The following CNTNAP2 variants were observed in gnomAD, a reference collection of about 807,000 sequenced individuals.
The protein encoded by CNTNAP2 is contactin-associated protein-like 2.
Under a neutral mutation model 155.2 loss-of-function variants are expected in CNTNAP2, and 98 were observed. That is an observed-to-expected ratio of 0.63 (90% confidence interval 0.54 to 0.75). The LOEUF (loss-of-function observed/expected upper bound fraction) is 0.75, where lower values mean the gene tolerates loss of function less well. CNTNAP2 is among the 30% of genes least tolerant of loss of function. The probability of loss-of-function intolerance (pLI) is 0.00; values close to 1 mark genes in which losing one functional copy is unlikely to be tolerated. For synonymous variants in CNTNAP2, 651 were observed against 631.2 expected (o/e 1.03, Z -0.47); for missense variants, 1,727 against 1,688.1 (o/e 1.02, Z -0.40).
chr7:148,167,844 C>G (rs572941802), intron 17 of CNTNAP2, among the ~76,000 whole-genome samples: 54 of 152,258 alleles, frequency 3.5e-4, no homozygotes, highest in African/African-American at 1.2e-3. Context: ...AGTCCAAAGA[C>G]CCAAGAATCA....
At chr7:147,638,970 A>G (rs1389279147) in intron 12 of CNTNAP2, 136 bp from the exon 13 acceptor site, 3 of 874,628 alleles carry the variant, frequency 3.4e-6, no homozygotes, top group Non-Finnish European at 5.9e-6. Context: ...GGGGGTTTTA[A>G]GGATTGCTCT....
At chr7:147,198,955 CTTT>C (rs531893928) in intron 8 of CNTNAP2, among the ~76,000 whole-genome samples, 4 of 99,310 alleles carry the variant, frequency 4.0e-5, no homozygotes, top group Admixed American at 1.1e-4. Context: ...AATCAAAGGA[CTTT>C]TTTTTTTTTT....
At chr7:147,184,348 T>A (rs1257886339) in intron 8 of CNTNAP2, among the ~76,000 whole-genome samples, 1 of 152,204 alleles carries the variant, frequency 6.6e-6, no homozygotes, top group Non-Finnish European at 1.5e-5. Context: ...TTGGATTTTC[T>A]CTTGCTTTAA....
chr7:146,285,365 C>G (rs189616486), intron 1 of CNTNAP2, among the ~76,000 whole-genome samples: 4 of 152,000 alleles, frequency 2.6e-5, no homozygotes, highest in Admixed American at 2.6e-4. Flanking sequence ...TGGAAAACTA[C>G]TCAATCAATA....
chr7:147,380,495 A>G (rs1796517326), intron 9 of CNTNAP2, among the ~76,000 whole-genome samples: 1 of 152,144 alleles, frequency 6.6e-6, no homozygotes, highest in Admixed American at 6.6e-5. Context: ...ATAACAACAA[A>G]GAAAAGAAGA....
chr7:146,691,926 A>G lies in CNTNAP2; in HGVS notation c.98-82345A>G, dbSNP rs544802196. Among the ~76,000 whole-genome samples, 9 of 152,228 alleles carry G rather than the reference A, an allele frequency of 5.9e-5. 1 individual carries two copies. The South Asian group carries it at 1.9e-3, about 32-fold the overall frequency. On this transcript the variant is annotated intron_variant, in intron 1 of 23. Transcript: ENST00000361727. Reference sequence around the variant, plus strand: ...TTTCAATGGTAACGTCTTGGATTGGATTCAAATCAGGCCCCTAAAAATTTA... The same window carrying G: ...TTTCAATGGTAACGTCTTGGATTGGGTTCAAATCAGGCCCCTAAAAATTTA...
intron 18 of CNTNAP2, among the ~76,000 whole-genome samples, chr7:148,186,845 TCA>T (rs1795123679): frequency 1.3e-5 from 2 of 152,194 alleles, no homozygotes; most frequent in African/African-American, 2.4e-5. Context: ...TGACACACGG[TCA>T]GTGGTCCAAT....
At chr7:147,488,277 C>T (rs567734510) in intron 11 of CNTNAP2, among the ~76,000 whole-genome samples, 4 of 152,290 alleles carry the variant, frequency 2.6e-5, no homozygotes, top group African/African-American at 4.8e-5. Flanking sequence ...GAACGAAGTG[C>T]GAAGGCCCCA....
intron 1 of CNTNAP2, among the ~76,000 whole-genome samples, chr7:146,198,295 T>C (rs1798806338): frequency 6.6e-6 from 1 of 152,246 alleles, no homozygotes; most frequent in Non-Finnish European, 1.5e-5. Context: ...TTCCCTAAAA[T>C]GTCAATTATA....
At chr7:147,467,435 CA>C (rs1410307848) in intron 10 of CNTNAP2, among the ~76,000 whole-genome samples, 8 of 152,054 alleles carry the variant, frequency 5.3e-5, no homozygotes, top group African/African-American at 1.9e-4. Flanking sequence ...GTGAAATAAA[CA>C]GAAAATCAAA....
intron 22 of CNTNAP2, among the ~76,000 whole-genome samples, chr7:148,398,917 A>G (rs1350063265): frequency 6.6e-6 from 1 of 152,202 alleles, no homozygotes; most frequent in Non-Finnish European, 1.5e-5. Context: ...TTGACTTACT[A>G]TAATTGGTTG....
At chr7:146,694,320 A>G (rs1800747353) in intron 1 of CNTNAP2, among the ~76,000 whole-genome samples, 1 of 152,234 alleles carries the variant, frequency 6.6e-6, no homozygotes, top group African/African-American at 2.4e-5. Context: ...ACACTTTTCC[A>G]CGTGGATATC....
intron 15 of CNTNAP2, among the ~76,000 whole-genome samples, chr7:148,000,736 G>A (rs1428036364): frequency 1.3e-5 from 2 of 152,188 alleles, no homozygotes; most frequent in South Asian, 2.1e-4. Context: ...TACGGGCTGA[G>A]GACTTACAAA....
chr7:147,801,854 G>T (rs905942342), intron 13 of CNTNAP2, among the ~76,000 whole-genome samples: 7 of 64,314 alleles, frequency 1.1e-4, no homozygotes, highest in Admixed American at 4.8e-4. Context: ...CTCCCAGACG[G>T]GGGGGGCGGC....
chr7:147,805,912 G>T lies in CNTNAP2; in HGVS notation c.2099-97653G>T, dbSNP rs1215728411. On this transcript the variant is annotated intron_variant, in intron 13 of 23. Coordinates refer to ENST00000361727, the MANE Select transcript of CNTNAP2 (RefSeq NM_014141.6). ...TATGAAACTAGTAAAAGAAAACATT[G>T]GGGGAAATGCTTCAGGACATTGGTC... is the stretch of plus-strand genomic sequence containing the variant. Among the ~76,000 whole-genome samples, 2 of 152,186 alleles carry T rather than the reference G, an allele frequency of 1.3e-5. 1 individual carries two copies. Among genetic ancestry groups the T allele is most frequent in the African/African-American group, 4.8e-5 (2 of 41,450 alleles).
intron 1 of CNTNAP2, among the ~76,000 whole-genome samples, chr7:146,499,323 C>A (rs1193709324): frequency 6.6e-6 from 1 of 152,134 alleles, no homozygotes; most frequent in Non-Finnish European, 1.5e-5. Context: ...GCTGGGATAA[C>A]AGGCATGCCA....
chr7:146,352,765 TTTTTTTC>T (rs1281133470), intron 1 of CNTNAP2, among the ~76,000 whole-genome samples: 1 of 134,742 alleles, frequency 7.4e-6, no homozygotes, highest in Non-Finnish European at 1.6e-5. Context: ...TTTTTTTTTT[TTTTTTTC>T]GAGACAGAGT....
chr7:148,125,659 G>A (rs1241213117), intron 16 of CNTNAP2, among the ~76,000 whole-genome samples: 2 of 99,390 alleles, frequency 2.0e-5, no homozygotes, highest in Non-Finnish European at 4.2e-5. Flanking sequence ...ATAAAACTGT[G>A]TGTGTGTGTG....
At chr7:148,334,937 C>T (rs1029126767) in intron 21 of CNTNAP2, among the ~76,000 whole-genome samples, 19 of 152,318 alleles carry the variant, frequency 1.2e-4, no homozygotes, top group African/African-American at 4.6e-4. Context: ...CTACCAATGA[C>T]TCTTTGTCCT....
Sources: allele counts gnomAD v4.1 joint callset (sites outside exome capture counted in the v4.1 genomes callset), GRCh38; gene constraint gnomAD v4.1.1; transcripts MANE v1.5; gene names NCBI Gene and HGNC (gene_info 2026-07-23, HGNC 2026-07-21).